Variants in SEMA3D observed in about 807,000 individuals in gnomAD.
SEMA3D encodes semaphorin 3D, also known as semaphorin-3D.
In SEMA3D, 84 loss-of-function variants were observed where a neutral mutation model predicts 100.1. That is an observed-to-expected ratio of 0.84 (90% CI 0.70 to 1.01). The LOEUF is 1.01. Ranked by LOEUF, SEMA3D falls within the 50% of genes least tolerant of loss-of-function variation. SEMA3D has a pLI of 0.00. For missense variants in SEMA3D, 875 were observed against 934.1 expected (o/e 0.94, Z 0.82); for synonymous variants, 312 against 320.7 (o/e 0.97, Z 0.29).
chr7:85,013,093 T>G (rs533185661), intron 16 of SEMA3D, among the ~76,000 whole-genome samples: 2 of 151,930 alleles, frequency 1.3e-5, no homozygotes, highest in Non-Finnish European at 2.9e-5. Flanking sequence ...ACGCTTCTTT[T>G]TCTCTATTTT....
intron 1 of SEMA3D, among the ~76,000 whole-genome samples, chr7:85,159,707 G>A (rs1790692857): frequency 6.6e-6 from 1 of 152,182 alleles, no homozygotes; most frequent in African/African-American, 2.4e-5. Context: ...TCATCGTAGT[G>A]CTGAACTCCA....
At chr7:85,003,366 C>A (rs1789706351) in intron 18 of SEMA3D, among the ~76,000 whole-genome samples, 2 of 151,748 alleles carry the variant, frequency 1.3e-5, no homozygotes, top group South Asian at 4.1e-4. Context: ...ATACACATAC[C>A]TAAATAACTA....
At chr7:85,011,667 T>C (rs866725573) in intron 17 of SEMA3D, among the ~76,000 whole-genome samples, 2 of 151,904 alleles carry the variant, frequency 1.3e-5, no homozygotes, top group Middle Eastern at 6.8e-3. Context: ...TGTAGATAAT[T>C]GCATATGTAT....
chr7:85,199,402 G>GCATCA, the SEMA3D span, among the ~76,000 whole-genome samples: 1 of 151,966 alleles, frequency 6.6e-6, no homozygotes, highest in African/African-American at 2.4e-5. Context: ...AGTTTCCTTT[G>GCATCA]CATCACTTGT....
intron 4 of SEMA3D, among the ~76,000 whole-genome samples, chr7:85,083,621 G>A (rs997679997): frequency 2.0e-5 from 3 of 151,822 alleles, no homozygotes; most frequent in South Asian, 4.2e-4. Context: ...GAGGCGGGCG[G>A]ATCACGAGGT....
intron 3 of SEMA3D, among the ~76,000 whole-genome samples, chr7:85,107,924 C>A (rs1261430713): frequency 6.6e-6 from 1 of 151,986 alleles, no homozygotes; most frequent in Non-Finnish European, 1.5e-5. Flanking sequence ...ACCTGCTCTC[C>A]CACCAGTCTC....
chr7:85,237,344 C>G, the SEMA3D span, among the ~76,000 whole-genome samples: 16 of 152,108 alleles, frequency 1.1e-4, no homozygotes, highest in Non-Finnish European at 1.8e-4. Context: ...GGCGTACATT[C>G]TATGGATTTA....
intron 18 of SEMA3D, among the ~76,000 whole-genome samples, chr7:85,003,234 A>G (rs1332457447): frequency 1.3e-5 from 2 of 152,132 alleles, no homozygotes; most frequent in Non-Finnish European, 2.9e-5. Flanking sequence ...GACACTGTAT[A>G]TCATCCATCT....
At chr7:85,182,071 ATTC>A (rs939361318) in intron 1 of SEMA3D, among the ~76,000 whole-genome samples, 68 of 152,244 alleles carry the variant, frequency 4.5e-4, no homozygotes, top group African/African-American at 1.6e-3. Context: ...GTTATGGTGA[ATTC>A]TTCTTTTCTT....
chr7:85,012,279 C>CA lies in SEMA3D; in HGVS notation c.1768+502dup, dbSNP rs377251603. Among the ~76,000 whole-genome samples, 858 of 151,802 alleles carry CA rather than the reference C, an allele frequency of 5.7e-3. 13 individuals carry two copies. Among genetic ancestry groups the CA allele is most frequent in the African/African-American group, 0.02 (810 of 41,480 alleles). On this transcript the variant is annotated intron_variant, in intron 17 of 18. Transcript: ENST00000284136. ...GAGTTTCTTAGTCACATAGTATACC[C>CA]AGGACAATTACATGCACATGGAAGT...
At chr7:85,093,902 T>C (rs1347429212) in intron 4 of SEMA3D, among the ~76,000 whole-genome samples, 2 of 151,920 alleles carry the variant, frequency 1.3e-5, no homozygotes, top group Non-Finnish European at 2.9e-5. Flanking sequence ...CATAAATATA[T>C]AAAATGCTCC....
intron 8 of SEMA3D, among the ~76,000 whole-genome samples, chr7:85,058,515 A>G (rs1446825951): frequency 6.6e-6 from 1 of 152,106 alleles, no homozygotes; most frequent in Non-Finnish European, 1.5e-5. Context: ...TGGGAGGCCG[A>G]GGCCGGCAGA....
intron 15 of SEMA3D, among the ~76,000 whole-genome samples, chr7:85,016,200 C>G (rs569120805): frequency 4.4e-4 from 65 of 146,712 alleles, no homozygotes; most frequent in Non-Finnish European, 6.6e-4. Context: ...TCTCTGCTTT[C>G]TATTCTCCCT....
At chr7:85,082,033 T>A (rs1788079238) in intron 4 of SEMA3D, among the ~76,000 whole-genome samples, 1 of 152,222 alleles carries the variant, frequency 6.6e-6, no homozygotes, top group African/African-American at 2.4e-5. Context: ...AGTGTGAATT[T>A]GTTGACAATA....
chr7:85,124,739 T>C (rs1375928150), intron 2 of SEMA3D, among the ~76,000 whole-genome samples: 1 of 152,090 alleles, frequency 6.6e-6, no homozygotes, highest in Non-Finnish European at 1.5e-5. Context: ...CTTGGTTATA[T>C]GGCTATGAGA....
At chr7:85,057,822 T>G (rs2116094735) in intron 8 of SEMA3D, among the ~76,000 whole-genome samples, 1 of 152,154 alleles carries the variant, frequency 6.6e-6, no homozygotes, top group South Asian at 2.1e-4. Context: ...TCCCAGCTAC[T>G]TGGGAGGCTG....
chr7:85,224,770 G>A, the SEMA3D span, among the ~76,000 whole-genome samples: 1 of 151,796 alleles, frequency 6.6e-6, no homozygotes, highest in Non-Finnish European at 1.5e-5. Flanking sequence ...TGGCAAAACA[G>A]GCAGCCTTTA....
upstream of SEMA3D, among the ~76,000 whole-genome samples, chr7:85,189,347 G>A (rs149810907): frequency 1.3e-3 from 191 of 152,050 alleles, no homozygotes; most frequent in African/African-American, 4.5e-3. Flanking sequence ...ACTGTATAGG[G>A]TCCCACCAAG....
chr7:85,140,616 A>G (rs2116460221), intron 2 of SEMA3D: 1 of 935,022 alleles, frequency 1.1e-6, no homozygotes, highest in African/African-American at 1.8e-5. Context: ...TAATAATCAT[A>G]TTATTTACTC....
Sources: allele counts gnomAD v4.1 joint callset (sites outside exome capture counted in the v4.1 genomes callset), GRCh38; gene constraint gnomAD v4.1.1; transcripts MANE v1.5; gene names NCBI Gene and HGNC (gene_info 2026-07-23, HGNC 2026-07-21).